Variants in MMP16 observed in about 807,000 individuals in gnomAD.
The protein encoded by MMP16 is matrix metalloproteinase-16.
Under a neutral mutation model 67.8 loss-of-function variants are expected in MMP16, and 12 were observed. That is an observed-to-expected ratio of 0.18 (90% CI 0.11 to 0.29). MMP16 has a LOEUF of 0.29. MMP16 is among the 10% of genes least tolerant of loss of function. The pLI is 1.00. For synonymous variants in MMP16, 249 were observed against 255.9 expected, an observed-to-expected ratio of 0.97 and a Z score of 0.26; for missense variants, 475 against 765.7, an observed-to-expected ratio of 0.62 and a Z score of 4.48.
At chr8:88,082,819 T>A (rs2118314429) in intron 6 of MMP16, among the ~76,000 whole-genome samples, 1 of 149,964 alleles carries the variant, frequency 6.7e-6, no homozygotes. Flanking sequence ...GTTGAATTGT[T>A]AAAAATAAAA....
At chr8:88,108,390 C>G (rs1034858077) in intron 6 of MMP16, among the ~76,000 whole-genome samples, 1 of 151,206 alleles carries the variant, frequency 6.6e-6, no homozygotes, top group Non-Finnish European at 1.5e-5. Flanking sequence ...ATTTAACATT[C>G]CTGCTCACCC....
chr8:88,288,375 A>AC (rs1810866967), intron 1 of MMP16, among the ~76,000 whole-genome samples: 1 of 152,052 alleles, frequency 6.6e-6, no homozygotes, highest in African/African-American at 2.4e-5. Flanking sequence ...TTCCAGAAAA[A>AC]CCATAGGCAC....
intron 4 of MMP16, among the ~76,000 whole-genome samples, chr8:88,137,462 T>C (rs910621912): frequency 6.6e-6 from 1 of 152,008 alleles, no homozygotes; most frequent in African/African-American, 2.4e-5. Flanking sequence ...AATTTTATTT[T>C]TATTCTCTTA....
intron 1 of MMP16, among the ~76,000 whole-genome samples, chr8:88,297,025 A>G (rs1378541427): frequency 1.3e-5 from 2 of 152,126 alleles, no homozygotes; most frequent in East Asian, 3.9e-4. Context: ...AATTTCCAGT[A>G]TATTTATTAT....
At chr8:88,116,430 T>C in intron 6 of MMP16, 77 bp downstream of exon 6, 1 of 1,282,296 alleles carries the variant, frequency 7.8e-7, no homozygotes, top group Non-Finnish European at 1.1e-6. Flanking sequence ...AGTGTTAGAA[T>C]GAATGAGAAC....
chr8:88,215,023 A>ATT lies in MMP16; in HGVS notation c.133-17719_133-17718dup, dbSNP rs1809567237. ...AAATTTCATTATTGAATAGATAGAA[A>ATT]TTTAAATTAAGAAGTGGCAACTGAG... On this transcript the variant is annotated intron_variant, in intron 1 of 9. Coordinates refer to ENST00000286614, the MANE Select transcript of MMP16 (RefSeq NM_005941.5). Among the ~76,000 whole-genome samples the ATT allele has an allele frequency of 4.6e-5, 7 of 152,188 alleles. No individual in the cohort carries two copies. The South Asian group carries it at 1.4e-3, about 32-fold the overall frequency.
intron 4 of MMP16, among the ~76,000 whole-genome samples, chr8:88,150,823 G>C (rs1808392488): frequency 6.6e-6 from 1 of 150,592 alleles, no homozygotes; most frequent in Non-Finnish European, 1.5e-5. Context: ...AAAATCACCA[G>C]CTAACATCAT....
chr8:88,228,715 T>C (rs1284721864), intron 1 of MMP16, among the ~76,000 whole-genome samples: 2 of 152,124 alleles, frequency 1.3e-5, no homozygotes, highest in African/African-American at 2.4e-5. Flanking sequence ...ATATTTATAA[T>C]GCACCCCTTT....
At chr8:88,247,131 G>A (rs552158196) in intron 1 of MMP16, among the ~76,000 whole-genome samples, 1 of 152,176 alleles carries the variant, frequency 6.6e-6, no homozygotes, top group African/African-American at 2.4e-5. Flanking sequence ...GGTCATTCAG[G>A]GTAGGGGCAC....
At chr8:88,140,326 G>C (rs1455695921) in intron 4 of MMP16, among the ~76,000 whole-genome samples, 2 of 152,172 alleles carry the variant, frequency 1.3e-5, no homozygotes, top group Non-Finnish European at 2.9e-5. Context: ...GGGAGAGACA[G>C]AAAGGGTTAG....
In MMP16 at chr8:88,183,632, C is replaced by A. The variant is rs148784544; in HGVS notation, c.404+2844G>T. Among the ~76,000 whole-genome samples the A allele has an allele frequency of 1.5e-4, 22 of 151,578 alleles. 2 individuals are homozygous for A. The highest frequency in any genetic ancestry group is 3.4e-3 in the Middle Eastern group (1 of 292). On this transcript the variant is annotated intron_variant, in intron 3 of 9. Transcript: ENST00000286614. ...TGTTGCCTCTTAAAGATTTTACCAA[C>A]CTTTTATATGTGAACTATATAACGA...
intron 3 of MMP16, among the ~76,000 whole-genome samples, chr8:88,178,351 T>C (rs1408933314): frequency 5.9e-5 from 9 of 152,106 alleles, no homozygotes; most frequent in Non-Finnish European, 8.8e-5. Context: ...ACATGGATAA[T>C]ATAACCAGAA....
intron 1 of MMP16, among the ~76,000 whole-genome samples, chr8:88,267,445 C>T (rs893429452): frequency 2.0e-5 from 3 of 152,174 alleles, no homozygotes; most frequent in African/African-American, 7.2e-5. Flanking sequence ...GCTAATATAA[C>T]ACTTGCACCT....
intron 8 of MMP16, among the ~76,000 whole-genome samples, chr8:88,054,574 T>C (rs1808308774): frequency 6.6e-6 from 1 of 152,204 alleles, no homozygotes; most frequent in Admixed American, 6.5e-5. Flanking sequence ...GATAGATCTT[T>C]TAAATTTGTG....
intron 4 of MMP16, among the ~76,000 whole-genome samples, chr8:88,125,768 T>C (rs1807920979): frequency 1.3e-5 from 2 of 151,888 alleles, no homozygotes; most frequent in Non-Finnish European, 2.9e-5. Context: ...TGAGCTCAGT[T>C]AAGATTCTAA....
At chr8:88,131,109 T>C (rs1466018523) in intron 4 of MMP16, among the ~76,000 whole-genome samples, 2 of 151,708 alleles carry the variant, frequency 1.3e-5, no homozygotes, top group Non-Finnish European at 2.9e-5. Flanking sequence ...ACAAAAATCT[T>C]TTAAGGTAGA....
intron 1 of MMP16, among the ~76,000 whole-genome samples, chr8:88,239,565 T>C (rs1464766018): frequency 1.3e-5 from 2 of 150,804 alleles, no homozygotes; most frequent in Non-Finnish European, 3.0e-5. Flanking sequence ...AAAGAGAAAA[T>C]GGGTAGAGAA....
chr8:88,059,650 A>G (rs967120924), intron 7 of MMP16, among the ~76,000 whole-genome samples: 1 of 152,006 alleles, frequency 6.6e-6, no homozygotes, highest in African/African-American at 2.4e-5. Flanking sequence ...TGTTCTTTTT[A>G]CCAATGGTCC....
rs1313709367 is a variant in MMP16 at position 88,033,544 on chromosome 8, TTA to T, written c.*7915_*7916del. 6.6e-6 allele frequency: 1 copy of T among 151,932 alleles called. No homozygotes were observed. Among genetic ancestry groups the T allele is most frequent in the Admixed American group, 6.6e-5 (1 of 15,212 alleles). The allele number at this position is 151,932 out of a possible 1,614,324, so 9.4% of individuals were successfully genotyped here. On this transcript the variant is annotated 3_prime_UTR_variant, in exon 10 of 10. Coordinates refer to ENST00000286614, the MANE Select transcript of MMP16 (RefSeq NM_005941.5). ...CAACCAACTATGAACTAATTAGATT[TTA>T]TGTTTTTGTTTAAAAAGTTAAGTTT... is the stretch of plus-strand genomic sequence containing the variant.
Sources: allele counts gnomAD v4.1 joint callset (sites outside exome capture counted in the v4.1 genomes callset), GRCh38; gene constraint gnomAD v4.1.1; transcripts MANE v1.5; gene names NCBI Gene and HGNC (gene_info 2026-07-23, HGNC 2026-07-21).